Variants in GOT1 observed in about 807,000 individuals in gnomAD.
GOT1 encodes the protein aspartate aminotransferase, cytoplasmic.
A neutral mutation model predicts 48.2 loss-of-function variants in GOT1; 25 were observed. The observed-to-expected ratio is 0.52, with a 90% confidence interval of 0.38 to 0.72. The LOEUF is 0.72. Ranked by LOEUF, GOT1 falls within the 30% of genes least tolerant of loss-of-function variation. The pLI is 0.00. For synonymous variants in GOT1, 188 were observed against 193.8 expected, an observed-to-expected ratio of 0.97 and a Z score of 0.25; for missense variants, 380 against 520.1, an observed-to-expected ratio of 0.73 and a Z score of 2.62.
intron 2 of GOT1, among the ~76,000 whole-genome samples, chr10:99,415,141 A>G (rs1012034327): frequency 1.5e-3 from 225 of 152,238 alleles, no homozygotes; most frequent in Non-Finnish European, 2.5e-3. Flanking sequence ...CAAAAAATCA[A>G]TGAATCCAGG....
At chr10:99,412,162 G>A (rs1229971838) in intron 2 of GOT1, among the ~76,000 whole-genome samples, 1 of 152,080 alleles carries the variant, frequency 6.6e-6, no homozygotes, top group Admixed American at 6.6e-5. Flanking sequence ...TCTTGACAGG[G>A]CCCAGTAGGT....
chr10:99,415,047 C>A (rs2032876232), intron 2 of GOT1, among the ~76,000 whole-genome samples: 1 of 152,158 alleles, frequency 6.6e-6, no homozygotes, highest in African/African-American at 2.4e-5. Flanking sequence ...GAAGCAAGAG[C>A]AAACACATTC....
rs559632783 is a variant in GOT1, at chr10:99,408,581, T to C, written c.301-1732A>G. Among the ~76,000 whole-genome samples the C allele has an allele frequency of 4.6e-5, 7 of 152,256 alleles. No individual in the cohort carries two copies. In the East Asian group the frequency reaches 1.2e-3, roughly 25 times the overall value. On this transcript the variant is annotated intron_variant, in intron 2 of 8. Coordinates refer to ENST00000370508, the MANE Select transcript of GOT1 (RefSeq NM_002079.3). ...AAAATACAAGAAAATTAGCTGGGCA[T>C]GGTGGCACACACCTGTAATCTCAGC...
intron 2 of GOT1, among the ~76,000 whole-genome samples, chr10:99,409,462 AG>A (rs1301700562): frequency 6.6e-6 from 1 of 152,206 alleles, no homozygotes; most frequent in Non-Finnish European, 1.5e-5. Context: ...TTCTTAGAGA[AG>A]AAAAGCTTCC....
intron 2 of GOT1, among the ~76,000 whole-genome samples, chr10:99,415,921 AGGTATTGATGGGACGT>A (rs2032888780): frequency 6.6e-6 from 1 of 152,218 alleles, no homozygotes; most frequent in Non-Finnish European, 1.5e-5. Flanking sequence ...TCAATAAATT[AGGTATTGATGGGACGT>A]ATCTCAAAAT....
chr10:99,415,894 G>C (rs958623787), intron 2 of GOT1, among the ~76,000 whole-genome samples: 1 of 152,000 alleles, frequency 6.6e-6, no homozygotes, highest in African/African-American at 2.4e-5. Flanking sequence ...TTCAACAGCC[G>C]TTCATGCTAA....
At chr10:99,410,194 C>T (rs1345337990) in intron 2 of GOT1, among the ~76,000 whole-genome samples, 1 of 152,206 alleles carries the variant, frequency 6.6e-6, no homozygotes, top group African/African-American at 2.4e-5. Flanking sequence ...ATGCAAATTG[C>T]TACCAAGATG....
intron 2 of GOT1, among the ~76,000 whole-genome samples, chr10:99,418,294 A>G (rs1475871748): frequency 1.3e-5 from 2 of 152,074 alleles, no homozygotes; most frequent in East Asian, 3.9e-4. Flanking sequence ...CTTAAGTCTT[A>G]CAGTGTAAGT....
chr10:99,397,593 T>A lies in GOT1; in HGVS notation c.1196A>T (p.Asp399Val). ...TTCATGGATGGAGGTGGCCACGTAA[T>A]CTAGATTTTTGGTGGTTAAGCCACT... ...NVSGLTTKNLDYVATSIHEAV... is the reference protein window; with the variant it reads ...NVSGLTTKNLVYVATSIHEAV... Residue 399 changes from aspartate to valine, a missense_variant, in exon 9 of 9, where the codon GAT becomes GTT. Coordinates refer to ENST00000370508, the MANE Select transcript of GOT1 (RefSeq NM_002079.3). This position sits in a 1 kb window ranked among gnomAD's most constrained non-coding sequence, Gnocchi z 5.4. The A allele has an allele frequency of 6.2e-7, 1 of 1,614,134 alleles. No individual in the cohort carries two copies.
intron 1 of GOT1, among the ~76,000 whole-genome samples, chr10:99,425,889 C>T (rs1044069035): frequency 1.2e-4 from 19 of 152,150 alleles, no homozygotes; most frequent in South Asian, 8.3e-4. Flanking sequence ...AAGACATTGA[C>T]GGAACCTGAG....
chr10:99,428,327 A>C (rs1376999866), intron 1 of GOT1, among the ~76,000 whole-genome samples: 1 of 152,158 alleles, frequency 6.6e-6, no homozygotes, highest in Non-Finnish European at 1.5e-5. Context: ...AATTGAATTA[A>C]TAAAATAAAT....
At chr10:99,402,496 T>G in intron 8 of GOT1, 84 bp downstream of exon 8, 19 of 1,455,284 alleles carry the variant, frequency 1.3e-5, no homozygotes, top group Non-Finnish European at 1.6e-5. Context: ...GCTGTGAAAG[T>G]GAGCTCAGCT....
chr10:99,422,044 T>G (rs961419513), intron 1 of GOT1, among the ~76,000 whole-genome samples: 1 of 152,208 alleles, frequency 6.6e-6, no homozygotes, highest in Non-Finnish European at 1.5e-5. Context: ...AGTAGACTGA[T>G]ATAGTTTGGC....
At chr10:99,405,025 C>T (rs2032735212) in intron 5 of GOT1, among the ~76,000 whole-genome samples, 1 of 152,104 alleles carries the variant, frequency 6.6e-6, no homozygotes, top group African/African-American at 2.4e-5. Flanking sequence ...GGCTATGTAC[C>T]CCCCTATAAC....
chr10:99,410,185 T>C (rs569629958), intron 2 of GOT1, among the ~76,000 whole-genome samples: 13 of 152,378 alleles, frequency 8.5e-5, no homozygotes, highest in South Asian at 2.1e-4. Flanking sequence ...GAATTCTTTA[T>C]GCAAATTGCT....
Position 99,403,854 on chromosome 10 carries a change from G to A in GOT1, c.663C>T (p.Phe221=), listed in dbSNP as rs1371689297. The A allele has an allele frequency of 3.1e-6, 5 of 1,613,744 alleles. No individual in the cohort carries two copies. The African/African-American group carries it at 5.3e-5, about 17-fold the overall frequency. ...SVMKHRFLFP[F]FDSAYQGFAS... is the part of the protein sequence containing the mutation. The stretch of plus-strand genomic sequence containing the variant: ...CGAAGCCCTGATAGGCTGAGTCAAA[G>A]AAGGGGAACAGAAACCGGTGCTGCG... Residue 221 remains phenylalanine, a synonymous_variant, in exon 6 of 9, where the codon TTC becomes TTT. Transcript: ENST00000370508.
chr10:99,418,593 T>C (rs1307914294), intron 2 of GOT1, among the ~76,000 whole-genome samples: 1 of 151,480 alleles, frequency 6.6e-6, no homozygotes, highest in Non-Finnish European at 1.5e-5. Flanking sequence ...CCTCCACTTC[T>C]TGGGGTCAAG....
rs114126001 is a variant in GOT1 at position 99,408,313 on chromosome 10, A to G, written c.301-1464T>C. ...ATAGATCTTTGATTTTGCCTCTTCAAAATTCTAATTAGGTTTCAGCATAAG... is the reference window on the plus strand; with the variant it reads ...ATAGATCTTTGATTTTGCCTCTTCAGAATTCTAATTAGGTTTCAGCATAAG... On this transcript the variant is annotated intron_variant, in intron 2 of 8. Coordinates refer to ENST00000370508, the MANE Select transcript of GOT1 (RefSeq NM_002079.3). 8.6e-3 allele frequency among the ~76,000 whole-genome samples: 1,314 copies of G among 152,320 alleles called. 22 individuals are homozygous for G. The highest frequency in any genetic ancestry group is 0.03 in the African/African-American group (1,247 of 41,572).
intron 2 of GOT1, among the ~76,000 whole-genome samples, chr10:99,412,988 G>A (rs570400866): frequency 2.0e-5 from 3 of 152,242 alleles, no homozygotes; most frequent in African/African-American, 4.8e-5. Context: ...CAAAGATGGG[G>A]AAAAAACAGA....
Sources: gnomAD v4.1 joint callset for allele counts (sites outside exome capture counted in the v4.1 genomes callset) on GRCh38, gnomAD v4.1.1 for gene constraint, Gnocchi (gnomAD v3.1) non-coding constraint, MANE v1.5 for transcripts, NCBI Gene and HGNC (gene_info 2026-07-23, HGNC 2026-07-21) for gene names.